The following APOH variants were observed in gnomAD, a reference collection of about 807,000 sequenced individuals.
APOH encodes the protein apolipoprotein H, also known as beta-2-glycoprotein 1.
Under a neutral mutation model 39.8 loss-of-function variants are expected in APOH, and 48 were observed. The observed-to-expected ratio is 1.21, with a 90% CI of 0.96 to 1.54. The LOEUF (loss-of-function observed/expected upper bound fraction) is 1.54. Among genes scored for constraint, APOH ranks in the 40% most tolerant of loss-of-function variants. APOH has a pLI of 0.00. For synonymous variants in APOH, 153 were observed against 151.1 expected (o/e 1.01, Z -0.09); for missense variants, 415 against 421.2 (o/e 0.99, Z 0.13).
chr17:66,220,106 A>G (rs1182606175), intron 5 of APOH, among the ~76,000 whole-genome samples: 4 of 152,214 alleles, frequency 2.6e-5, no homozygotes, highest in Non-Finnish European at 5.9e-5. Context: ...ACAATCAGAC[A>G]GCAACCCAGT....
At chr17:66,213,824 G>A (rs1252427723) in intron 7 of APOH, among the ~76,000 whole-genome samples, 2 of 151,932 alleles carry the variant, frequency 1.3e-5, no homozygotes, top group Admixed American at 1.3e-4. Context: ...TGTAATCTCA[G>A]CTACTCAGAA....
intron 6 of APOH, among the ~76,000 whole-genome samples, chr17:66,215,300 C>G (rs2073358249): frequency 6.6e-6 from 1 of 152,214 alleles, no homozygotes; most frequent in African/African-American, 2.4e-5. Flanking sequence ...CCTGGCTCGG[C>G]AGCATTAGCA....
intron 7 of APOH, among the ~76,000 whole-genome samples, chr17:66,212,625 C>T (rs1045718494): frequency 1.3e-5 from 2 of 152,120 alleles, no homozygotes; most frequent in Admixed American, 6.6e-5. Context: ...GTGATCCGCC[C>T]GCCTTGGCCT....
chr17:66,226,845 A>G (rs8178905), intron 2 of APOH, among the ~76,000 whole-genome samples: 3 of 152,048 alleles, frequency 2.0e-5, no homozygotes, highest in Admixed American at 2.0e-4. Flanking sequence ...AAAAAATGAA[A>G]TTTTTAGTGT....
At chr17:66,220,494 T>C (rs1230621315) in intron 5 of APOH, 60 bp downstream of exon 5, 3 of 1,526,830 alleles carry the variant, frequency 2.0e-6, no homozygotes, top group Non-Finnish European at 2.7e-6. Flanking sequence ...GAATTTTCAA[T>C]ACCTTTCACA....
chr17:66,216,959 A>G lies in APOH; in HGVS notation c.613T>C (p.Cys205Arg), dbSNP rs1443477856. 1 of 1,589,508 alleles carries G rather than the reference A, an allele frequency of 6.3e-7. No individual in the cohort carries two copies. Among genetic ancestry groups the G allele is most frequent in the Non-Finnish European group, 8.5e-7 (1 of 1,170,216 alleles). ...TTGTCTGGTCTTGATGGGAATGGGC[A>G]TTTTACTTCTAAAACATTTATTCAA... ...TKLPECREVK[C>R]PFPSRPDNGF... Residue 205 changes from cysteine to arginine, a missense_variant, in exon 6 of 8, where the codon TGC becomes CGC. This residue lies in a region of APOH where 288 missense variants were observed against 284.9 expected (regional missense o/e 1.01). Coordinates refer to ENST00000205948, the MANE Select transcript of APOH (RefSeq NM_000042.3).
In APOH at chr17:66,213,818, A is replaced by G. The variant is rs572709023; in HGVS notation, c.982+635T>C. On this transcript the variant is annotated intron_variant, in intron 7 of 7. Transcript: ENST00000205948. ...CTGGACATGGTGGTGCGTGCATGTA[A>G]TCTCAGCTACTCAGAAGGCTGAGGT... 2.0e-4 allele frequency among the ~76,000 whole-genome samples: 30 copies of G among 152,218 alleles called. No homozygotes were observed. The East Asian group carries it at 5.6e-3, about 28-fold the overall frequency.
At chr17:66,216,696 G>A (rs2073367679) in intron 6 of APOH, 92 bp downstream of exon 6, 3 of 1,318,332 alleles carry the variant, frequency 2.3e-6, no homozygotes, top group Admixed American at 4.9e-5. Context: ...TGAGCAACAA[G>A]TGGAAAAGTG....
intron 4 of APOH, among the ~76,000 whole-genome samples, chr17:66,221,874 T>C (rs560753316): frequency 6.6e-6 from 1 of 152,282 alleles, no homozygotes. Context: ...CCTAGATCCC[T>C]GCTGCTCAAA....
rs572335799 is a variant in APOH at position 66,219,210 on chromosome 17, T to G, written c.604+1344A>C. Among the ~76,000 whole-genome samples, 29 of 152,286 alleles carry G rather than the reference T, an allele frequency of 1.9e-4. No individual in the cohort carries two copies. In the South Asian group the frequency reaches 5.8e-3, roughly 31 times the overall value. On this transcript the variant is annotated intron_variant, in intron 5 of 7. Coordinates refer to ENST00000205948, the MANE Select transcript of APOH (RefSeq NM_000042.3). ...GTTATTAGAATGGTTTGGATTATTA[T>G]TGTTAATAATCCAAAACATATGAAG...
chr17:66,227,174 G>A (rs865981689), intron 2 of APOH, among the ~76,000 whole-genome samples: 1 of 152,094 alleles, frequency 6.6e-6, no homozygotes, highest in Non-Finnish European at 1.5e-5. Flanking sequence ...GTGAGCCACC[G>A]CACCTGGCCC....
chr17:66,229,361 T>C lies in APOH; in HGVS notation c.19A>G (p.Ile7Val). Residue 7 changes from isoleucine to valine, a missense_variant, in exon 1 of 8, where the codon ATC (isoleucine) becomes GTC (valine). By Grantham distance (29) the Ile-to-Val change is conservative (BLOSUM62 3). Coordinates refer to ENST00000205948, the MANE Select transcript of APOH (RefSeq NM_000042.3). MISPVLILFSSFLCHVA... is the reference protein window; with the variant it reads MISPVLVLFSSFLCHVA... ...TGGCAGAGAAAACTCGAGAACAAGA[T>C]GAGCACTGGAGAAATCATTGTGGAT... 1 of 1,613,906 alleles carries C rather than the reference T, an allele frequency of 6.2e-7. No individual in the cohort carries two copies. The highest frequency in any genetic ancestry group is 2.2e-5 in the East Asian group (1 of 44,872).
At position 66,220,665 on chromosome 17, in the gene APOH, G is replaced by A. The variant is rs765138377; in HGVS notation, c.493C>T (p.Leu165Phe). Residue 165 changes from leucine (L) to phenylalanine (F), a missense_variant, in exon 5 of 8, where the codon CTC becomes TTC. This residue lies in a region of APOH where 288 missense variants were observed against 284.9 expected (regional missense o/e 1.01). Coordinates refer to ENST00000205948, the MANE Select transcript of APOH (RefSeq NM_000042.3). ...VYKPSAGNNS[L>F]YRDTAVFECL... Reference sequence around the variant, plus strand: ...TCAAAAACTGCTGTGTCCCGATAGAGGGAATTGTTTCCAGCTGATGGCTTA... The same window carrying A: ...TCAAAAACTGCTGTGTCCCGATAGAAGGAATTGTTTCCAGCTGATGGCTTA... 3.1e-6 allele frequency: 5 copies of A among 1,614,204 alleles called. No homozygotes were observed. Among genetic ancestry groups the A allele is most frequent in the Non-Finnish European group, 4.2e-6 (5 of 1,180,046 alleles).
chr17:66,217,517 T>C (rs952596424), intron 5 of APOH, among the ~76,000 whole-genome samples: 5 of 152,080 alleles, frequency 3.3e-5, no homozygotes, highest in African/African-American at 1.2e-4. Context: ...CCCACGTCCT[T>C]ATGAGCTGCA....
chr17:66,219,658 C>T (rs923156396), intron 5 of APOH, among the ~76,000 whole-genome samples: 1 of 152,186 alleles, frequency 6.6e-6, no homozygotes, highest in Non-Finnish European at 1.5e-5. Context: ...GTGGCTTACA[C>T]CTGTAAGCCC....
chr17:66,216,100 G>A (rs975428678), intron 6 of APOH, among the ~76,000 whole-genome samples: 5 of 146,794 alleles, frequency 3.4e-5, no homozygotes, highest in Non-Finnish European at 7.4e-5. Flanking sequence ...CCTGGGAGGT[G>A]AAGGTTGCAG....
intron 1 of APOH, among the ~76,000 whole-genome samples, chr17:66,228,991 C>T (rs1024369727): frequency 4.6e-5 from 7 of 151,768 alleles, no homozygotes; most frequent in African/African-American, 7.3e-5. Context: ...TGCCATCACG[C>T]CCGGCTAATT....
chr17:66,216,451 T>G (rs1567738411), intron 6 of APOH, among the ~76,000 whole-genome samples: 1 of 142,780 alleles, frequency 7.0e-6, no homozygotes, highest in African/African-American at 2.6e-5. Flanking sequence ...GCCATTGCAC[T>G]CCAGCCTGGG....
intron 3 of APOH, among the ~76,000 whole-genome samples, 190 bp downstream of exon 3, chr17:66,225,838 C>A (rs1567742261): frequency 6.6e-6 from 1 of 151,466 alleles, no homozygotes; most frequent in Non-Finnish European, 1.5e-5. Flanking sequence ...GACTGCACCA[C>A]TGCGCTCCAG....
Sources: allele counts gnomAD v4.1 joint callset (sites outside exome capture counted in the v4.1 genomes callset), GRCh38; gene constraint gnomAD v4.1.1; regional missense constraint gnomAD v4.1.1; transcripts MANE v1.5; gene names NCBI Gene and HGNC (gene_info 2026-07-23, HGNC 2026-07-21).